Variants in PIK3C2G observed in about 807,000 individuals in gnomAD.
PIK3C2G encodes the protein phosphatidylinositol-4-phosphate 3-kinase catalytic subunit type 2 gamma, also known as phosphatidylinositol 3-kinase C2 domain-containing subunit gamma.
In PIK3C2G, 168 loss-of-function variants were observed where a neutral mutation model predicts 181.1. That is an observed-to-expected ratio of 0.93 (90% confidence interval 0.82 to 1.05). PIK3C2G has a LOEUF of 1.05. PIK3C2G is among the 50% of genes least tolerant of loss of function. The pLI, the probability that PIK3C2G is intolerant of heterozygous loss-of-function variation, is 0.00. For synonymous variants in PIK3C2G, 573 were observed against 592.2 expected (o/e 0.97, Z 0.47); for missense variants, 1,869 against 1,732.8 (o/e 1.08, Z -1.40).
intron 18 of PIK3C2G, among the ~76,000 whole-genome samples, chr12:18,434,543 G>A (rs376641606): frequency 1.4e-4 from 22 of 152,180 alleles, no homozygotes; most frequent in East Asian, 1.2e-3. Context: ...TGTTGGAGAT[G>A]CTTTTAGATG....
intron 11 of PIK3C2G, among the ~76,000 whole-genome samples, chr12:18,355,100 G>A (rs1008146957): frequency 2.6e-5 from 4 of 152,218 alleles, no homozygotes; most frequent in African/African-American, 7.2e-5. Context: ...TGACGTGGAG[G>A]CTTAATTAGC....
intron 8 of PIK3C2G, among the ~76,000 whole-genome samples, chr12:18,325,887 G>C (rs1334233746): frequency 1.3e-5 from 2 of 152,016 alleles, no homozygotes; most frequent in Admixed American, 6.6e-5. Flanking sequence ...ACCTTTTATG[G>C]CCAGTTTTAT....
intron 24 of PIK3C2G, among the ~76,000 whole-genome samples, chr12:18,518,048 C>T (rs1264198004): frequency 3.9e-5 from 6 of 152,150 alleles, no homozygotes; most frequent in African/African-American, 7.2e-5. Context: ...TATTGATTTG[C>T]GTATGTTGAA....
chr12:18,397,095 A>G (rs755005573), intron 15 of PIK3C2G, among the ~76,000 whole-genome samples: 1 of 151,968 alleles, frequency 6.6e-6, no homozygotes, highest in Admixed American at 6.5e-5. Context: ...ATACAATTCA[A>G]TGTAGATAGA....
chr12:18,556,680 T>C (rs1416738412), intron 26 of PIK3C2G, among the ~76,000 whole-genome samples: 1 of 152,156 alleles, frequency 6.6e-6, no homozygotes, highest in Non-Finnish European at 1.5e-5. Context: ...TCTCCATAAA[T>C]CATGATTAAT....
intron 25 of PIK3C2G, among the ~76,000 whole-genome samples, chr12:18,545,065 C>G (rs1012269760): frequency 6.6e-6 from 1 of 151,916 alleles, no homozygotes; most frequent in Admixed American, 6.6e-5. Context: ...ACTTAAAGAG[C>G]TTTCTTGTTT....
At chr12:18,719,715 A>C in the PIK3C2G span, 1 of 914,472 alleles carries the variant, frequency 1.1e-6, no homozygotes, top group Non-Finnish European at 1.7e-6. Context: ...TTGTAAACTT[A>C]CTCAGTAGTA....
intron 13 of PIK3C2G, among the ~76,000 whole-genome samples, chr12:18,374,351 C>T (rs1479793815): frequency 6.6e-6 from 1 of 152,148 alleles, no homozygotes; most frequent in African/African-American, 2.4e-5. Flanking sequence ...CCTGACTCCA[C>T]TGTGTCAAGT....
At chr12:18,670,413 C>T in the PIK3C2G span, among the ~76,000 whole-genome samples, 2 of 152,090 alleles carry the variant, frequency 1.3e-5, no homozygotes, top group East Asian at 1.9e-4. Flanking sequence ...AGTTCAGCAA[C>T]CTCCTTTTTA....
At chr12:18,248,268 T>C (rs10840993) in intron 1 of PIK3C2G, among the ~76,000 whole-genome samples, 65,382 of 151,940 alleles carry the variant, frequency 0.43, 14,618 homozygotes, top group East Asian at 0.75. Context: ...TTAACATGGG[T>C]AGTATTTGGA....
chr12:18,363,644 T>A (rs1941429904), intron 12 of PIK3C2G, among the ~76,000 whole-genome samples: 1 of 151,950 alleles, frequency 6.6e-6, no homozygotes, highest in South Asian at 2.1e-4. Context: ...AGAAGAAAAT[T>A]CCCCAGCCTA....
chr12:18,392,702 T>A (rs1375285622), intron 15 of PIK3C2G, among the ~76,000 whole-genome samples: 1 of 152,090 alleles, frequency 6.6e-6, no homozygotes, highest in African/African-American at 2.4e-5. Flanking sequence ...TGCCCACTCA[T>A]GTGTTTAGCT....
chr12:18,582,561 C>T (rs989313793), intron 29 of PIK3C2G, among the ~76,000 whole-genome samples: 3 of 152,160 alleles, frequency 2.0e-5, no homozygotes, highest in Non-Finnish European at 2.9e-5. Context: ...GACTCCTATA[C>T]ATACACCTAA....
At chr12:18,442,740 T>C (rs1469785002) in intron 18 of PIK3C2G, among the ~76,000 whole-genome samples, 4 of 152,206 alleles carry the variant, frequency 2.6e-5, no homozygotes, top group Non-Finnish European at 4.4e-5. Context: ...TTACAATTGA[T>C]TAAAATATTT....
intron 18 of PIK3C2G, among the ~76,000 whole-genome samples, chr12:18,473,161 G>A (rs1422160593): frequency 1.3e-5 from 2 of 152,094 alleles, no homozygotes; most frequent in African/African-American, 4.8e-5. Flanking sequence ...TGTTGAGGAA[G>A]GAAGATGGTT....
At chr12:18,565,114 C>G (rs1318081139) in intron 28 of PIK3C2G, among the ~76,000 whole-genome samples, 1 of 152,136 alleles carries the variant, frequency 6.6e-6, no homozygotes, top group Non-Finnish European at 1.5e-5. Context: ...CATGCTGACA[C>G]TCACAAAGGG....
the PIK3C2G span, among the ~76,000 whole-genome samples, chr12:18,672,960 G>C: frequency 6.6e-6 from 1 of 152,168 alleles, no homozygotes; most frequent in Non-Finnish European, 1.5e-5. Context: ...TCAGGAAGAA[G>C]TGAGATGTGA....
chr12:18,664,084 C>G, the PIK3C2G span, among the ~76,000 whole-genome samples: 1 of 152,010 alleles, frequency 6.6e-6, no homozygotes, highest in Non-Finnish European at 1.5e-5. Context: ...CTATCAAAAA[C>G]CAAACCAGAC....
chr12:18,417,313 T>C (rs1164050476), intron 16 of PIK3C2G, among the ~76,000 whole-genome samples: 1 of 152,168 alleles, frequency 6.6e-6, no homozygotes, highest in Non-Finnish European at 1.5e-5. Flanking sequence ...GTTGACATGA[T>C]AACAAAGGAT....
Sources: gnomAD v4.1 joint callset for allele counts (sites outside exome capture counted in the v4.1 genomes callset) on GRCh38, gnomAD v4.1.1 for gene constraint, MANE v1.5 for transcripts, NCBI Gene and HGNC (gene_info 2026-07-23, HGNC 2026-07-21) for gene names.